The following ADGRV1 variants were observed in gnomAD, a reference collection of about 807,000 sequenced individuals.
ADGRV1 encodes adhesion G protein-coupled receptor V1.
In ADGRV1, 359 loss-of-function variants were observed where a neutral mutation model predicts 596.2. The observed-to-expected ratio is 0.60, with a 90% CI of 0.55 to 0.66. The LOEUF (loss-of-function observed/expected upper bound fraction) is 0.66, where lower values mean the gene tolerates loss of function less well. Ranked by LOEUF, ADGRV1 falls within the 30% of genes least tolerant of loss-of-function variation. ADGRV1 has a pLI of 0.00. For missense variants in ADGRV1, 7,274 were observed against 7,575.6 expected, an observed-to-expected ratio of 0.96 and a Z score of 1.48; for synonymous variants, 2,681 against 2,679.2, an observed-to-expected ratio of 1.00 and a Z score of -0.02.
chr5:90,725,725 C>A, intron 48 of ADGRV1, 69 bp downstream of exon 48: 1 of 881,692 alleles, frequency 1.1e-6, no homozygotes, highest in Non-Finnish European at 1.8e-6. Flanking sequence ...TGAAATTTAC[C>A]AAAGGTATGG....
At chr5:90,676,277 T>C (rs1312639023) in intron 25 of ADGRV1, 68 bp downstream of exon 25, 3 of 1,441,580 alleles carry the variant, frequency 2.1e-6, no homozygotes, top group Non-Finnish European at 2.8e-6. Flanking sequence ...GTAGATTCCT[T>C]TAGGGAAGTA....
At chr5:90,855,305 G>A (rs1434838879) in intron 81 of ADGRV1, among the ~76,000 whole-genome samples, 1 of 152,050 alleles carries the variant, frequency 6.6e-6, no homozygotes, top group Non-Finnish European at 1.5e-5. Flanking sequence ...AACCATACAA[G>A]TAATTTATAT....
At chr5:90,993,665 C>G (rs1463855098) in intron 85 of ADGRV1, among the ~76,000 whole-genome samples, 1 of 151,910 alleles carries the variant, frequency 6.6e-6, no homozygotes, top group Non-Finnish European at 1.5e-5. Context: ...TATGATTTAA[C>G]TTGCTGGTTT....
intron 10 of ADGRV1, among the ~76,000 whole-genome samples, chr5:90,637,154 A>G (rs183969651): frequency 1.3e-5 from 2 of 152,320 alleles, no homozygotes; most frequent in African/African-American, 4.8e-5. Flanking sequence ...GAAAATTAGG[A>G]TCAGAGAGGT....
intron 50 of ADGRV1, among the ~76,000 whole-genome samples, chr5:90,739,895 A>C (rs974447254): frequency 1.3e-5 from 2 of 152,194 alleles, no homozygotes; most frequent in Non-Finnish European, 2.9e-5. Context: ...GTAGCTGTTT[A>C]GCTGCTGTAG....
intron 53 of ADGRV1, among the ~76,000 whole-genome samples, chr5:90,752,772 C>T (rs765329717): frequency 2.0e-5 from 3 of 152,148 alleles, no homozygotes; most frequent in Non-Finnish European, 4.4e-5. Flanking sequence ...CAACACTCTT[C>T]GCAATAGCAA....
At chr5:91,024,207 G>A (rs1783852979) in intron 85 of ADGRV1, among the ~76,000 whole-genome samples, 1 of 152,074 alleles carries the variant, frequency 6.6e-6, no homozygotes, top group African/African-American at 2.4e-5. Context: ...CCATTGTATG[G>A]CCACCCTGTC....
At chr5:90,579,937 G>C (rs1378012550) in intron 1 of ADGRV1, among the ~76,000 whole-genome samples, 1 of 151,942 alleles carries the variant, frequency 6.6e-6, no homozygotes, top group East Asian at 1.9e-4. Context: ...TGCAACCCCT[G>C]CTTTTTTTTT....
chr5:90,984,111 C>A (rs898415808), intron 84 of ADGRV1, among the ~76,000 whole-genome samples: 1 of 152,128 alleles, frequency 6.6e-6, no homozygotes, highest in Non-Finnish European at 1.5e-5. Context: ...TTATAATAAC[C>A]TTGTTGTATA....
Position 90,805,297 on chromosome 5 carries a change from C to T in ADGRV1, c.14675C>T (p.Ser4892Phe). Residue 4892 changes from serine (S) to phenylalanine (F), a missense_variant, in exon 72 of 90, where the codon TCC becomes TTC. By Grantham distance (155) the Ser-to-Phe change is radical. Coordinates refer to ENST00000405460, the MANE Select transcript of ADGRV1 (RefSeq NM_032119.4). ...ATTTTCCCTCAGGTCGGATTTGAAT[C>T]CACTGCTTTTCAACTCATGAACATC... ...KAANSQVGFE[S>F]TAFQLMNITA... 1 of 1,610,584 alleles carries T rather than the reference C, an allele frequency of 6.2e-7. No individual in the cohort carries two copies.
intron 85 of ADGRV1, among the ~76,000 whole-genome samples, chr5:91,029,361 A>C (rs1460581308): frequency 6.6e-6 from 1 of 152,204 alleles, no homozygotes; most frequent in Non-Finnish European, 1.5e-5. Context: ...TGAATATGAT[A>C]CAATTTATTT....
rs759248697 is a variant in ADGRV1, at chr5:90,615,018, C to T, written c.206C>T (p.Ser69Leu). Residue 69 changes from serine (S) to leucine (L), a missense_variant and splice_region_variant, in exon 2 of 90, where the codon TCG (serine) becomes TTG (leucine). Physicochemically the swap from Ser to Leu is moderately radical, Grantham distance 145 (BLOSUM62 -2). This residue lies in a region of ADGRV1 where 1,715 missense variants were observed against 1,708.8 expected (regional missense o/e 1.00). Coordinates refer to ENST00000405460, the MANE Select transcript of ADGRV1 (RefSeq NM_032119.4). ...CCAGCAAATGTTACTGCAATTGTAT[C>T]GGTAAGAAATTATTATAGCTCTATT... ...GEPANVTAIV[S>L]LYGEDAGDFF... is the part of the protein sequence containing the mutation. 4.3e-6 allele frequency: 6 copies of T among 1,406,102 alleles called. No homozygotes were observed. The highest frequency in any genetic ancestry group is 3.5e-5 in the South Asian group (2 of 57,868). 87.1% of individuals were successfully genotyped at this position (1,406,102 alleles called of 1,614,324 possible).
At position 90,750,825 on chromosome 5, in the gene ADGRV1, A is replaced by G. The variant is rs563866754; in HGVS notation, c.11121+128A>G. The G allele has an allele frequency of 3.9e-5, 25 of 645,222 alleles. No individual in the cohort carries two copies. The South Asian group carries it at 7.1e-4, about 18-fold the overall frequency. The allele number at this position is 645,222 out of a possible 1,614,324, so 40.0% of individuals were successfully genotyped here. A position where few individuals can be genotyped will look rare whatever the true frequency, so the allele number is the denominator to read the frequency against. On this transcript the variant is annotated intron_variant, in intron 53 of 89. Coordinates refer to ENST00000405460, the MANE Select transcript of ADGRV1 (RefSeq NM_032119.4). ...TATCAACACTGAATTCCTACTAATC[A>G]TTGTAGAGAGGGATACAATTTAAGG... is the stretch of plus-strand genomic sequence containing the variant.
Position 90,757,048 on chromosome 5 carries a change from C to T in ADGRV1, c.11827C>T (p.Arg3943Trp), listed in dbSNP as rs762677981. ...PLNVLQVPVV[R>W]LAGSFGAVNV... The stretch of plus-strand genomic sequence containing the variant: ...GAACGTTCTTCAAGTTCCTGTAGTC[C>T]GGCTGGCTGGAAGCTTTGGGGCAGT... The change falls in exon 57 of 90, where the codon CGG (arginine) becomes TGG (tryptophan). Residue 3943 changes from arginine to tryptophan, a missense_variant. This residue lies in a region of ADGRV1 where 3,643 missense variants were observed against 3,809.2 expected (regional missense o/e 0.96). Transcript: ENST00000405460. The T allele has an allele frequency of 3.7e-6, 6 of 1,613,612 alleles. No individual in the cohort carries two copies. The highest frequency in any genetic ancestry group is 2.2e-5 in the South Asian group (2 of 91,066).
rs1580361735 is a variant in ADGRV1 at position 90,588,305 on chromosome 5, G to A, written c.23-26530G>A. Among the ~76,000 whole-genome samples, 3 of 152,272 alleles carry A rather than the reference G, an allele frequency of 2.0e-5. No homozygotes were observed. The East Asian group carries it at 5.8e-4, about 29-fold the overall frequency. The stretch of plus-strand genomic sequence containing the variant: ...TCTCTGAATATACTTTCTTATATAG[G>A]TTTAACTTTGGATTCATATAAATGT... On this transcript the variant is annotated intron_variant, in intron 1 of 89. Coordinates refer to ENST00000405460, the MANE Select transcript of ADGRV1 (RefSeq NM_032119.4).
In ADGRV1 at chr5:90,788,285, C is replaced by T. The variant is rs766619723; in HGVS notation, c.13868C>T (p.Ser4623Phe). ...HLVKGEAKLD[S>F]RAKDVTLTIQ... ...GTGAAAGGAGAAGCTAAATTAGACT[C>T]CAGAGCTAAAGATGTTACATTAACC... The change falls in exon 68 of 90, where the codon TCC becomes TTC. Residue 4623 changes from serine (S) to phenylalanine (F), a missense_variant. Ser to Phe is a radical substitution (Grantham distance 155, BLOSUM62 -2). This residue lies in a region of ADGRV1 where 3,643 missense variants were observed against 3,809.2 expected (regional missense o/e 0.96). Coordinates refer to ENST00000405460, the MANE Select transcript of ADGRV1 (RefSeq NM_032119.4). The T allele has an allele frequency of 1.2e-5, 19 of 1,612,320 alleles. No homozygotes were observed. In the East Asian group the frequency reaches 4.2e-4, roughly 36 times the overall value.
rs1764569180 is a variant in ADGRV1 at position 90,625,144 on chromosome 5, A to G, written c.573A>G (p.Pro191=). Residue 191 remains proline (P), a synonymous_variant, in exon 6 of 90, where the codon CCA becomes CCG. Coordinates refer to ENST00000405460, the MANE Select transcript of ADGRV1 (RefSeq NM_032119.4). The part of the protein sequence containing the change: ...VMVTFEVEGG[P]NPPDEDLSPV... ...TTTCTTTGCAGGTAGAGGGTGGCCC[A>G]AATCCCCCTGATGAAGATTTGAGTC... 6.2e-7 allele frequency: 1 copy of G among 1,611,420 alleles called. No individual in the cohort carries two copies. Among genetic ancestry groups the G allele is most frequent in the African/African-American group, 1.3e-5 (1 of 75,002 alleles).
chr5:91,088,569 A>G lies in ADGRV1; in HGVS notation c.18311-13650A>G, dbSNP rs143838966. On this transcript the variant is annotated intron_variant, in intron 86 of 89. Coordinates refer to ENST00000405460, the MANE Select transcript of ADGRV1 (RefSeq NM_032119.4). ...CAAAAAACTGTATGGCTGCTCATTCATTAGTCTTAAACTATTAATGTCAAA... is the reference window on the plus strand; with the variant it reads ...CAAAAAACTGTATGGCTGCTCATTCGTTAGTCTTAAACTATTAATGTCAAA... Among the ~76,000 whole-genome samples, 912 of 152,302 alleles carry G rather than the reference A, an allele frequency of 6.0e-3. 10 individuals carry two copies. Among genetic ancestry groups the G allele is most frequent in the African/African-American group, 0.021 (880 of 41,570 alleles).
At chr5:91,097,066 C>T (rs1790939263) in intron 86 of ADGRV1, among the ~76,000 whole-genome samples, 1 of 152,210 alleles carries the variant, frequency 6.6e-6, no homozygotes. Flanking sequence ...GCTTCAGTAT[C>T]TCAGTATGTT....
Sources: gnomAD v4.1 joint callset for allele counts (sites outside exome capture counted in the v4.1 genomes callset) on GRCh38, gnomAD v4.1.1 for gene constraint, gnomAD v4.1.1 regional missense constraint, MANE v1.5 for transcripts, NCBI Gene and HGNC (gene_info 2026-07-23, HGNC 2026-07-21) for gene names.